Variants in PDE4D observed in about 807,000 individuals in gnomAD.
PDE4D encodes 3',5'-cyclic-AMP phosphodiesterase 4D.
A neutral mutation model predicts 87.4 loss-of-function variants in PDE4D; 24 were observed. The ratio of observed to expected loss-of-function variants is 0.27; its 90% confidence interval spans 0.20 to 0.39. The LOEUF is 0.39. PDE4D is among the 10% of genes least tolerant of loss of function. The pLI is 1.00. For synonymous variants in PDE4D, 384 were observed against 383.2 expected (o/e 1.00, Z -0.02); for missense variants, 714 against 1,041.0 (o/e 0.69, Z 4.32).
chr5:59,620,823 AC>A (rs1327650702), intron 1 of PDE4D, among the ~76,000 whole-genome samples: 1 of 152,176 alleles, frequency 6.6e-6, no homozygotes, highest in Non-Finnish European at 1.5e-5. Flanking sequence ...TGGTTTCAAG[AC>A]TTTTACTCAG....
At chr5:60,460,967 A>AC (rs1455109185) in intron 1 of PDE4D, among the ~76,000 whole-genome samples, 2 of 151,484 alleles carry the variant, frequency 1.3e-5, no homozygotes, top group African/African-American at 2.4e-5. Context: ...AGCTGTTTGG[A>AC]CCCCCCAAGG....
intron 1 of PDE4D, among the ~76,000 whole-genome samples, chr5:59,334,744 C>T (rs1417761800): frequency 6.6e-6 from 1 of 151,900 alleles, no homozygotes; most frequent in Non-Finnish European, 1.5e-5. Flanking sequence ...TGGAACAGAA[C>T]TTGAAGCGGG....
At chr5:60,053,844 A>G (rs886437001) in intron 2 of PDE4D, among the ~76,000 whole-genome samples, 2 of 152,218 alleles carry the variant, frequency 1.3e-5, no homozygotes, top group Non-Finnish European at 2.9e-5. Flanking sequence ...TATAAGAAAA[A>G]AACAAAGAAA....
intron 2 of PDE4D, among the ~76,000 whole-genome samples, chr5:60,172,078 T>C (rs1424115878): frequency 1.4e-5 from 2 of 148,048 alleles, no homozygotes; most frequent in Admixed American, 1.4e-4. Context: ...TGTCATAGAA[T>C]AGTTTTGAGA....
intron 1 of PDE4D, among the ~76,000 whole-genome samples, chr5:59,722,052 A>G (rs138310133): frequency 6.6e-5 from 10 of 152,134 alleles, no homozygotes; most frequent in Non-Finnish European, 1.2e-4. Context: ...CCAAATACTT[A>G]CTCCCTTTTG....
At chr5:59,329,464 T>C (rs577055384) in intron 1 of PDE4D, among the ~76,000 whole-genome samples, 175 of 152,314 alleles carry the variant, frequency 1.1e-3, no homozygotes, top group African/African-American at 4.1e-3. Context: ...TCATGTTGTC[T>C]GATCAAGTTT....
intron 1 of PDE4D, among the ~76,000 whole-genome samples, chr5:59,432,526 T>TGGCAGTTCATATTCCCAC (rs1207426643): frequency 2.6e-5 from 4 of 152,146 alleles, no homozygotes; most frequent in African/African-American, 4.8e-5. Context: ...TAATAGGCTA[T>TGGCAGTTCATATTCCCAC]GGCAGTTCAT....
At chr5:60,064,923 A>G (rs1050220513) in intron 2 of PDE4D, among the ~76,000 whole-genome samples, 3 of 152,120 alleles carry the variant, frequency 2.0e-5, no homozygotes, top group Admixed American at 1.3e-4. Context: ...CTTATCCATC[A>G]CCCTATTACT....
intron 1 of PDE4D, among the ~76,000 whole-genome samples, chr5:60,283,535 AAT>A (rs1394640862): frequency 1.3e-5 from 2 of 152,230 alleles, no homozygotes; most frequent in Admixed American, 1.3e-4. Flanking sequence ...TTTTAAAAGA[AAT>A]AAAAAATGGT....
chr5:60,364,833 C>T (rs569319560), intron 1 of PDE4D, among the ~76,000 whole-genome samples: 1 of 152,304 alleles, frequency 6.6e-6, no homozygotes, highest in East Asian at 1.9e-4. Flanking sequence ...CCAAAATATA[C>T]AGATTACCTC....
At chr5:59,381,077 G>C (rs904337110) in intron 1 of PDE4D, among the ~76,000 whole-genome samples, 3 of 152,098 alleles carry the variant, frequency 2.0e-5, no homozygotes, top group African/African-American at 7.2e-5. Context: ...CTGATAATTA[G>C]ATTGGATGCC....
intron 1 of PDE4D, among the ~76,000 whole-genome samples, chr5:59,812,627 C>A (rs143488992): frequency 5.4e-4 from 82 of 151,530 alleles, no homozygotes; most frequent in African/African-American, 1.8e-3. Flanking sequence ...GAGCCAAGAT[C>A]GTGTCACTGT....
At chr5:59,253,765 A>G (rs1336231105) in intron 1 of PDE4D, among the ~76,000 whole-genome samples, 1 of 152,112 alleles carries the variant, frequency 6.6e-6, no homozygotes, top group Non-Finnish European at 1.5e-5. Flanking sequence ...GATCATTAAA[A>G]AGGATATTAA....
At chr5:60,178,084 A>G (rs771020259) in intron 2 of PDE4D, among the ~76,000 whole-genome samples, 2 of 152,328 alleles carry the variant, frequency 1.3e-5, no homozygotes, top group Admixed American at 6.5e-5. Context: ...TTAAAGAACC[A>G]TAAATATTTC....
chr5:59,456,648 T>A (rs2153644194), intron 1 of PDE4D, among the ~76,000 whole-genome samples: 1 of 152,338 alleles, frequency 6.6e-6, no homozygotes, highest in South Asian at 2.1e-4. Flanking sequence ...TCTACAGTGA[T>A]TCTTCTGATG....
At chr5:60,111,641 T>C (rs528659845) in intron 2 of PDE4D, among the ~76,000 whole-genome samples, 62 of 152,104 alleles carry the variant, frequency 4.1e-4, no homozygotes, top group African/African-American at 1.5e-3. Flanking sequence ...AAATTTTATA[T>C]ATTTCACTCA....
At chr5:59,879,367 C>T (rs544896744) in intron 1 of PDE4D, among the ~76,000 whole-genome samples, 40 of 152,248 alleles carry the variant, frequency 2.6e-4, no homozygotes, top group Admixed American at 6.5e-4. Flanking sequence ...GCCGGAACTC[C>T]GTATATATTG....
At chr5:59,654,781 T>A (rs1440070663) in intron 1 of PDE4D, among the ~76,000 whole-genome samples, 1 of 151,954 alleles carries the variant, frequency 6.6e-6, no homozygotes, top group Non-Finnish European at 1.5e-5. Flanking sequence ...CACTATAGAC[T>A]TGTCTATAGT....
Position 60,478,782 on chromosome 5 carries a change from C to A in PDE4D, c.-90+9160G>T, listed in dbSNP as rs150850586. Among the ~76,000 whole-genome samples, 33 of 152,316 alleles carry A rather than the reference C, an allele frequency of 2.2e-4. 1 individual carries two copies. In the East Asian group the frequency reaches 6.2e-3, roughly 29 times the overall value. ...GTTTGAAGAGGCTTTCTCACCCAGC[C>A]TCCTTCATGCTTGCAGACTCATACC... is the stretch of plus-strand genomic sequence containing the variant. On this transcript the variant is annotated intron_variant, in intron 1 of 16. Coordinates refer to the PDE4D transcript ENST00000502484.
Sources: allele counts gnomAD v4.1 joint callset (sites outside exome capture counted in the v4.1 genomes callset), GRCh38; gene constraint gnomAD v4.1.1; transcripts MANE v1.5; gene names NCBI Gene and HGNC (gene_info 2026-07-23, HGNC 2026-07-21).